The following PLXNA1 variants were observed in gnomAD, a reference collection of about 807,000 sequenced individuals.
The protein encoded by PLXNA1 is plexin A1.
In PLXNA1, 77 loss-of-function variants were observed where a neutral mutation model predicts 191.7. That is an observed-to-expected ratio of 0.40 (90% CI 0.33 to 0.49). PLXNA1 has a LOEUF of 0.49. Among genes scored for constraint, PLXNA1 ranks in the 20% least tolerant of loss-of-function variants. The probability of loss-of-function intolerance (pLI) is 0.63; values close to 1 mark genes in which losing one functional copy is unlikely to be tolerated. For missense variants in PLXNA1, 2,110 were observed against 2,660.2 expected (o/e 0.79, Z 4.55); for synonymous variants, 1,137 against 1,156.4 (o/e 0.98, Z 0.34).
chr3:127,023,168 G>C (rs1189322764), intron 23 of PLXNA1, among the ~76,000 whole-genome samples: 1 of 152,186 alleles, frequency 6.6e-6, no homozygotes, highest in Admixed American at 6.5e-5. Context: ...GAAGGCTCCA[G>C]TCCACCACCT....
intron 1 of PLXNA1, among the ~76,000 whole-genome samples, chr3:126,984,638 C>T (rs937311142): frequency 6.9e-6 from 1 of 145,626 alleles, no homozygotes; most frequent in Admixed American, 6.8e-5. Flanking sequence ...GCCAGTGGGG[C>T]CCAGGAAGGG....
intron 9 of PLXNA1, among the ~76,000 whole-genome samples, chr3:127,010,153 GA>G (rs1390932156): frequency 1.4e-4 from 22 of 152,220 alleles, no homozygotes; most frequent in Admixed American, 1.4e-3. Context: ...TTACCAGGGA[GA>G]CTATGCACTG....
At chr3:127,010,280 T>G (rs2079089219) in intron 9 of PLXNA1, among the ~76,000 whole-genome samples, 2 of 152,166 alleles carry the variant, frequency 1.3e-5, no homozygotes, top group African/African-American at 4.8e-5. Flanking sequence ...TCAGAGCCTT[T>G]GGGGACAACT....
In PLXNA1 at chr3:127,011,902, G is replaced by A. The variant is rs2079097399; in HGVS notation, c.2113-56G>A. 7 of 1,500,072 alleles carry A rather than the reference G, an allele frequency of 4.7e-6. No individual in the cohort carries two copies. In the South Asian group the frequency reaches 7.0e-5, roughly 15 times the overall value. The allele number at this position is 1,500,072 out of a possible 1,614,324, so 92.9% of individuals were successfully genotyped here. ...GTGCACATCTGGAGCGTAGTGGGGTGCACCTTGCTCACTGGTCTCCGCCCC... is the reference window on the plus strand; with the variant it reads ...GTGCACATCTGGAGCGTAGTGGGGTACACCTTGCTCACTGGTCTCCGCCCC... On this transcript the variant is annotated intron_variant, in intron 9 of 31. Transcript: ENST00000393409.
At chr3:127,001,093 G>T (rs1023949732) in intron 3 of PLXNA1, among the ~76,000 whole-genome samples, 1 of 152,154 alleles carries the variant, frequency 6.6e-6, no homozygotes, top group Non-Finnish European at 1.5e-5. Flanking sequence ...GGAGCGGGGC[G>T]TTCTGGAGCC....
At chr3:126,997,809 C>T (rs981797586) in intron 3 of PLXNA1, among the ~76,000 whole-genome samples, 3 of 152,226 alleles carry the variant, frequency 2.0e-5, no homozygotes, top group Admixed American at 6.5e-5. Flanking sequence ...GGGGCACTCA[C>T]GGAGAGCCCT....
chr3:127,017,823 T>C lies in PLXNA1; in HGVS notation c.3591T>C (p.Cys1197=). 1 of 1,613,046 alleles carries C rather than the reference T, an allele frequency of 6.2e-7. No individual in the cohort carries two copies. The highest frequency in any genetic ancestry group is 8.5e-7 in the Non-Finnish European group (1 of 1,180,006). The change falls in exon 19 of 32, where the codon TGT becomes TGC. Residue 1197 remains cysteine, a synonymous_variant. Coordinates refer to ENST00000393409, the MANE Select transcript of PLXNA1 (RefSeq NM_032242.4). ...CGGTGCTCATCGGCTCCACACCCTG[T>C]ACCCTCACCGTGTCGGAGACGCAAC... ...NYTVLIGSTP[C]TLTVSETQLL... is the part of the protein sequence containing the mutation.
chr3:126,987,666 C>T (rs529889708), intron 1 of PLXNA1, among the ~76,000 whole-genome samples: 4 of 152,248 alleles, frequency 2.6e-5, no homozygotes, highest in Admixed American at 2.0e-4. Context: ...GGAGGAATTC[C>T]TCTTTCCTTG....
chr3:127,006,302 A>T, intron 8 of PLXNA1, 124 bp downstream of exon 8: 1 of 749,564 alleles, frequency 1.3e-6, no homozygotes. Flanking sequence ...GCAGATGGTG[A>T]TTCCATGATT....
intron 19 of PLXNA1, 106 bp from the exon 20 acceptor site, chr3:127,018,188 C>G (rs55654914): frequency 0.057 from 60,488 of 1,069,792 alleles, 1,937 homozygotes; most frequent in African/African-American, 0.09. Flanking sequence ...GTCGGTGGGA[C>G]CTTTCCCACA....
At chr3:127,017,066 C>T (rs372501457) in intron 17 of PLXNA1, 29 bp downstream of exon 17, 46 of 1,580,028 alleles carry the variant, frequency 2.9e-5, no homozygotes, top group African/African-American at 1.6e-4. Flanking sequence ...CTGCCCACCT[C>T]GGTCCAGGCC....
chr3:127,000,444 G>A (rs551294664), intron 3 of PLXNA1, among the ~76,000 whole-genome samples: 1 of 152,282 alleles, frequency 6.6e-6, no homozygotes, highest in African/African-American at 2.4e-5. Flanking sequence ...CCCGGCCGGC[G>A]TGTGCCCTTC....
chr3:126,983,851 G>A (rs1395218735), intron 1 of PLXNA1, among the ~76,000 whole-genome samples: 2 of 152,096 alleles, frequency 1.3e-5, no homozygotes, highest in East Asian at 3.9e-4. Context: ...GGGGCCGGAG[G>A]AGGTCGTGCA....
intron 15 of PLXNA1, among the ~76,000 whole-genome samples, chr3:127,015,584 A>T (rs930479400): frequency 1.3e-5 from 2 of 152,168 alleles, no homozygotes; most frequent in African/African-American, 4.8e-5. Flanking sequence ...GGAAGGGGGG[A>T]ATCCCTTGGG....
At chr3:127,018,257 C>A in intron 19 of PLXNA1, 37 bp from the exon 20 acceptor site, 1 of 1,528,480 alleles carries the variant, frequency 6.5e-7, no homozygotes, top group South Asian at 1.2e-5. Flanking sequence ...TTGTGGAAAG[C>A]ATGGGAAGCT....
chr3:127,012,482 G>A (rs1005911184), intron 10 of PLXNA1, among the ~76,000 whole-genome samples: 4 of 152,212 alleles, frequency 2.6e-5, no homozygotes. Flanking sequence ...AGCATCCGTG[G>A]GTCCCAGGCA....
At chr3:126,994,371 A>G (rs1371962087) in intron 3 of PLXNA1, among the ~76,000 whole-genome samples, 1 of 151,976 alleles carries the variant, frequency 6.6e-6, no homozygotes, top group Non-Finnish European at 1.5e-5. Context: ...CTGTGGGTGC[A>G]TTTTGGGGTG....
At chr3:127,018,181 G>A (rs955709420) in intron 19 of PLXNA1, 113 bp from the exon 20 acceptor site, 81 of 1,026,178 alleles carry the variant, frequency 7.9e-5, no homozygotes, top group African/African-American at 6.2e-4. Flanking sequence ...TGCCCCTGTC[G>A]GTGGGACCTT....
At position 127,034,181 on chromosome 3, in the gene PLXNA1, T is replaced by C; in HGVS notation, c.*164T>C. On this transcript the variant is annotated 3_prime_UTR_variant, in exon 32 of 32. Coordinates refer to ENST00000393409, the MANE Select transcript of PLXNA1 (RefSeq NM_032242.4). ...CTGCCTCACCCGGTCGGGTCCCGGC[T>C]CTTCCTGTGTGGAGGTGATGGTACC... is the stretch of plus-strand genomic sequence containing the variant. 1 of 605,624 alleles carries C rather than the reference T, an allele frequency of 1.7e-6. No homozygotes were observed. The highest frequency in any genetic ancestry group is 2.9e-6 in the Non-Finnish European group (1 of 343,848). The allele number at this position is 605,624 out of a possible 1,614,324, so 37.5% of individuals were successfully genotyped here.
Sources: gnomAD v4.1 joint callset for allele counts (sites outside exome capture counted in the v4.1 genomes callset) on GRCh38, gnomAD v4.1.1 for gene constraint, MANE v1.5 for transcripts, NCBI Gene and HGNC (gene_info 2026-07-23, HGNC 2026-07-21) for gene names.